Variants in HS3ST1 observed in about 807,000 individuals in gnomAD.
HS3ST1 encodes heparan sulfate glucosamine 3-O-sulfotransferase 1.
A neutral mutation model predicts 20.7 loss-of-function variants in HS3ST1; 8 were observed. The ratio of observed to expected loss-of-function variants is 0.39; its 90% CI spans 0.23 to 0.70. HS3ST1 has a LOEUF of 0.70. HS3ST1 is among the 30% of genes least tolerant of loss of function. HS3ST1 has a pLI of 0.46. For missense variants in HS3ST1, 436 were observed against 423.4 expected (o/e 1.03, Z -0.26); for synonymous variants, 205 against 190.4 (o/e 1.08, Z -0.63).
chr4:11,409,744 G>C (rs114555048), intron 1 of HS3ST1, among the ~76,000 whole-genome samples: 1 of 152,186 alleles, frequency 6.6e-6, no homozygotes, highest in Non-Finnish European at 1.5e-5. Context: ...AAAACTGTTT[G>C]GCTGGGACTT....
chr4:11,432,725 G>C (rs989456082), upstream of HS3ST1, among the ~76,000 whole-genome samples: 1 of 152,206 alleles, frequency 6.6e-6, no homozygotes, highest in African/African-American at 2.4e-5. Context: ...ATTTGATTGT[G>C]CTGAGGTCTA....
intron 1 of HS3ST1, among the ~76,000 whole-genome samples, chr4:11,402,160 T>G (rs934608373): frequency 3.3e-5 from 5 of 152,222 alleles, no homozygotes; most frequent in African/African-American, 1.2e-4. Flanking sequence ...GACATCCATT[T>G]TTATGATCAA....
chr4:11,400,218 G>T, intron 1 of HS3ST1, 105 bp from the exon 2 acceptor site: 1 of 959,094 alleles, frequency 1.0e-6, no homozygotes, highest in Non-Finnish European at 1.4e-6. Flanking sequence ...ACCTCCCCAG[G>T]ACTCTCAGTT....
chr4:11,400,184 CA>C, intron 1 of HS3ST1, 71 bp from the exon 2 acceptor site: 1 of 1,298,406 alleles, frequency 7.7e-7, no homozygotes, highest in Non-Finnish European at 1.0e-6. Context: ...ACTCTGTAGC[CA>C]CTCTGTAGTG....
chr4:11,422,472 G>T (rs564477568), intron 1 of HS3ST1, among the ~76,000 whole-genome samples: 1 of 152,190 alleles, frequency 6.6e-6, no homozygotes, highest in Non-Finnish European at 1.5e-5. Context: ...TGTTACTGAA[G>T]AAATTATTAC....
chr4:11,414,644 G>A (rs565709255), intron 1 of HS3ST1, among the ~76,000 whole-genome samples: 1 of 152,208 alleles, frequency 6.6e-6, no homozygotes, highest in Non-Finnish European at 1.5e-5. Flanking sequence ...TAAACCAACA[G>A]ATTCGTTAGT....
At position 11,394,338 on chromosome 4, in the gene HS3ST1, G is replaced by C. The variant is rs1718081988; in HGVS notation, c.*4744C>G. 1 of 152,164 alleles carries C rather than the reference G, an allele frequency of 6.6e-6. No individual in the cohort carries two copies. Among genetic ancestry groups the C allele is most frequent in the African/African-American group, 2.4e-5 (1 of 41,430 alleles). 9.4% of individuals were successfully genotyped at this position (152,164 alleles called of 1,614,324 possible). ...AGAAATTTGGGCAAAATAGAGTAAA[G>C]GTCTTGACATCAGGGATAACTAAAG... is the stretch of plus-strand genomic sequence containing the variant. On this transcript the variant is annotated 3_prime_UTR_variant, in exon 2 of 2. Coordinates refer to ENST00000002596, the MANE Select transcript of HS3ST1 (RefSeq NM_005114.4).
At chr4:11,419,865 C>T (rs375435326) in intron 1 of HS3ST1, among the ~76,000 whole-genome samples, 2 of 152,114 alleles carry the variant, frequency 1.3e-5, no homozygotes, top group African/African-American at 4.8e-5. Flanking sequence ...AACCAGACAC[C>T]GTATAAGTGC....
At chr4:11,411,238 G>T (rs903186609) in intron 1 of HS3ST1, among the ~76,000 whole-genome samples, 1 of 152,152 alleles carries the variant, frequency 6.6e-6, no homozygotes, top group Non-Finnish European at 1.5e-5. Context: ...GGGAAAACTG[G>T]CATAGAAATA....
At chr4:11,411,993 AAGG>A (rs1306741798) in intron 1 of HS3ST1, among the ~76,000 whole-genome samples, 1 of 152,180 alleles carries the variant, frequency 6.6e-6, no homozygotes, top group Non-Finnish European at 1.5e-5. Context: ...ATGGGGATCA[AAGG>A]AGGTGTGACT....
chr4:11,396,392 G>C lies in HS3ST1; in HGVS notation c.*2690C>G, dbSNP rs1718146715. 1 of 152,314 alleles carries C rather than the reference G, an allele frequency of 6.6e-6. No homozygotes were observed. The allele number at this position is 152,314 out of a possible 1,614,324, so 9.4% of individuals were successfully genotyped here. ...TCAGTTGTTCTCACTTGCCTCTCTGGAAGGACCCACCTAGATCCCCCAGGC... is the reference window on the plus strand; with the variant it reads ...TCAGTTGTTCTCACTTGCCTCTCTGCAAGGACCCACCTAGATCCCCCAGGC... On this transcript the variant is annotated 3_prime_UTR_variant, in exon 2 of 2. Transcript: ENST00000002596.
At position 11,419,852 on chromosome 4, in the gene HS3ST1, G is replaced by A. The variant is rs527987877; in HGVS notation, c.-109+8847C>T. Among the ~76,000 whole-genome samples the A allele has an allele frequency of 1.2e-4, 18 of 152,204 alleles. No homozygotes were observed. In the South Asian group the frequency reaches 1.5e-3, roughly 12 times the overall value. ...CATCCTTTAAAAAAAAATTCTGACC[G>A]TGAACCAGACACCGTATAAGTGCAT... On this transcript the variant is annotated intron_variant, in intron 1 of 1. Coordinates refer to ENST00000002596, the MANE Select transcript of HS3ST1 (RefSeq NM_005114.4).
In HS3ST1 at chr4:11,393,462, T is replaced by C. The variant is rs1718058532; in HGVS notation, c.*5620A>G. The C allele has an allele frequency of 6.6e-6, 1 of 152,156 alleles. No homozygotes were observed. The highest frequency in any genetic ancestry group is 2.4e-5 in the African/African-American group (1 of 41,406). 9.4% of individuals were successfully genotyped at this position (152,156 alleles called of 1,614,324 possible). On this transcript the variant is annotated 3_prime_UTR_variant, in exon 2 of 2. Coordinates refer to ENST00000002596, the MANE Select transcript of HS3ST1 (RefSeq NM_005114.4). ...CCGTGGGTTGATCACGTTATACATG[T>C]AAAATACAGAGAGAAGAAAACATGC...
In HS3ST1 at chr4:11,398,119, T is replaced by C. The variant is rs1718187867; in HGVS notation, c.*963A>G. Reference sequence around the variant, plus strand: ...TTCAGGACTCCAAATTTAGAGTTGATTTTGAAACATACACATATTTATGTC... The same window carrying C: ...TTCAGGACTCCAAATTTAGAGTTGACTTTGAAACATACACATATTTATGTC... On this transcript the variant is annotated 3_prime_UTR_variant, in exon 2 of 2. Coordinates refer to ENST00000002596, the MANE Select transcript of HS3ST1 (RefSeq NM_005114.4). 6.6e-6 allele frequency: 1 copy of C among 152,208 alleles called. No individual in the cohort carries two copies. Among genetic ancestry groups the C allele is most frequent in the Non-Finnish European group, 1.5e-5 (1 of 68,030 alleles). The allele number at this position is 152,208 out of a possible 1,614,324, so 9.4% of individuals were successfully genotyped here.
In HS3ST1 at chr4:11,427,526, G is replaced by A. The variant is rs373043729; in HGVS notation, c.-109+1173C>T. Reference sequence around the variant, plus strand: ...TGGCCTCCCTAGAATCCCCCCAAAAGCATCTTGGCACAAGTTGTAGATAAA... The same window carrying A: ...TGGCCTCCCTAGAATCCCCCCAAAAACATCTTGGCACAAGTTGTAGATAAA... On this transcript the variant is annotated intron_variant, in intron 1 of 1. Transcript: ENST00000002596. Among the ~76,000 whole-genome samples the A allele has an allele frequency of 1.3e-4, 20 of 152,344 alleles. No individual in the cohort carries two copies. The East Asian group carries it at 3.5e-3, about 26-fold the overall frequency.
chr4:11,427,475 G>T (rs950834984), intron 1 of HS3ST1, among the ~76,000 whole-genome samples: 8 of 152,218 alleles, frequency 5.3e-5, no homozygotes, highest in Non-Finnish European at 1.2e-4. Flanking sequence ...TTCTCGGAGC[G>T]CAGCGCAAAG....
At position 11,393,943 on chromosome 4, in the gene HS3ST1, T is replaced by C. The variant is rs981639202; in HGVS notation, c.*5139A>G. The C allele has an allele frequency of 2.0e-5, 3 of 152,182 alleles. No individual in the cohort carries two copies. Among genetic ancestry groups the C allele is most frequent in the Non-Finnish European group, 4.4e-5 (3 of 68,026 alleles). 9.4% of individuals were successfully genotyped at this position (152,182 alleles called of 1,614,324 possible). On this transcript the variant is annotated 3_prime_UTR_variant, in exon 2 of 2. Coordinates refer to ENST00000002596, the MANE Select transcript of HS3ST1 (RefSeq NM_005114.4). Reference sequence around the variant, plus strand: ...TTGTGGCAGCTGGGGTTGAGAGCACTTCCCTGGTAAATGAGCTCTGGATGG... The same window carrying C: ...TTGTGGCAGCTGGGGTTGAGAGCACCTCCCTGGTAAATGAGCTCTGGATGG...
rs1718062748 is a variant in HS3ST1, at chr4:11,393,631, G to T, written c.*5451C>A. ...GTGGGAAAAGGATGAAGTTTCGGAA[G>T]AAATAAGTAAAAGTACAGTTTCAGG... On this transcript the variant is annotated 3_prime_UTR_variant, in exon 2 of 2. Transcript: ENST00000002596. 1 of 152,222 alleles carries T rather than the reference G, an allele frequency of 6.6e-6. No individual in the cohort carries two copies. Among genetic ancestry groups the T allele is most frequent in the African/African-American group, 2.4e-5 (1 of 41,438 alleles). 9.4% of individuals were successfully genotyped at this position (152,222 alleles called of 1,614,324 possible).
chr4:11,423,234 C>T (rs183968563), intron 1 of HS3ST1, among the ~76,000 whole-genome samples: 2 of 152,208 alleles, frequency 1.3e-5, no homozygotes, highest in East Asian at 3.9e-4. Context: ...ACACGTAATG[C>T]AATGCCGGGT....
Sources: gnomAD v4.1 joint callset for allele counts (sites outside exome capture counted in the v4.1 genomes callset) on GRCh38, gnomAD v4.1.1 for gene constraint, MANE v1.5 for transcripts, NCBI Gene and HGNC (gene_info 2026-07-23, HGNC 2026-07-21) for gene names.